The following POLN variants were observed in gnomAD, a reference collection of about 807,000 sequenced individuals.
The protein encoded by POLN is DNA polymerase N.
In POLN, 108 loss-of-function variants were observed where a neutral mutation model predicts 113.5. The observed-to-expected ratio is 0.95, with a 90% CI of 0.81 to 1.12. The LOEUF is 1.12. Ranked by LOEUF, POLN falls within the 50% of genes most tolerant of loss-of-function variation. POLN has a pLI of 0.00. For missense variants in POLN, 1,097 were observed against 1,077.1 expected (o/e 1.02, Z -0.26); for synonymous variants, 386 against 391.5 (o/e 0.99, Z 0.17).
chr4:2,181,166 A>C (rs1217418582), intron 7 of POLN, among the ~76,000 whole-genome samples: 1 of 152,006 alleles, frequency 6.6e-6, no homozygotes, highest in Non-Finnish European at 1.5e-5. Context: ...TTTTTTTGAG[A>C]TGGAGTCTTG....
In POLN at chr4:2,127,100, C is replaced by G. The variant is rs1380428621; in HGVS notation, c.1982+1013G>C. On this transcript the variant is annotated intron_variant, in intron 19 of 25. Coordinates refer to ENST00000511885, the MANE Select transcript of POLN (RefSeq NM_181808.4). The surrounding 1 kb of genome is among the most constrained non-coding windows in gnomAD (Gnocchi z 4.7). ...TTCTGTGTGACATCGTGAGGGTGAA[C>G]AGGTGGCAGGAGATGAGCTGGGACG... 6.7e-6 allele frequency among the ~76,000 whole-genome samples: 1 copy of G among 149,078 alleles called. No individual in the cohort carries two copies. The highest frequency in any genetic ancestry group is 1.5e-5 in the Non-Finnish European group (1 of 67,618).
chr4:2,111,456 G>C (rs1731191793), intron 19 of POLN, among the ~76,000 whole-genome samples: 1 of 152,164 alleles, frequency 6.6e-6, no homozygotes, highest in Non-Finnish European at 1.5e-5. Context: ...AATTGCCCCT[G>C]TTTGCAGATG....
At chr4:2,106,078 A>G (rs1424712179) in intron 19 of POLN, among the ~76,000 whole-genome samples, 2 of 151,982 alleles carry the variant, frequency 1.3e-5, no homozygotes, top group Non-Finnish European at 2.9e-5. Context: ...AATGATCTCT[A>G]TGGGCCTACT....
At chr4:2,096,075 G>A in intron 19 of POLN, 142 bp from the exon 20 acceptor site, 3 of 738,286 alleles carry the variant, frequency 4.1e-6, no homozygotes, top group Non-Finnish European at 2.4e-6. Context: ...TGGCAGGGGA[G>A]ACATTCCATA....
chr4:2,154,037 A>G (rs1275638409), intron 16 of POLN, among the ~76,000 whole-genome samples: 1 of 151,414 alleles, frequency 6.6e-6, no homozygotes, highest in Non-Finnish European at 1.5e-5. Flanking sequence ...CTCTACTAAG[A>G]ATACAAAAAA....
chr4:2,079,914 G>C (rs1327548341), intron 23 of POLN: 1 of 985,492 alleles, frequency 1.0e-6, no homozygotes, highest in African/African-American at 1.7e-5. Flanking sequence ...CCCCACTCCT[G>C]CCTTCTGACC....
At chr4:2,106,121 G>A (rs1731060960) in intron 19 of POLN, among the ~76,000 whole-genome samples, 1 of 151,766 alleles carries the variant, frequency 6.6e-6, no homozygotes, top group African/African-American at 2.4e-5. Context: ...AAATTCCAGA[G>A]TCTGTCTTTA....
At chr4:2,241,233 A>ATG in intron 2 of POLN, 1 of 329,722 alleles carries the variant, frequency 3.0e-6, no homozygotes, top group Non-Finnish European at 5.4e-6. Context: ...ATGATGATAA[A>ATG]GAGAAACAGA....
chr4:2,159,199 G>A lies in POLN; in HGVS notation c.1567C>T (p.Arg523Ter), dbSNP rs760327169. ...STSEAVLNAL[R>*]DLHPLPKIIL... is the part of the protein sequence containing the mutation. ...ATCTTGGGTAATGGATGAAGGTCTCGCAGAGCATTTAACTAAACATGAAAA... is the reference window on the plus strand; with the variant it reads ...ATCTTGGGTAATGGATGAAGGTCTCACAGAGCATTTAACTAAACATGAAAA... Residue 523 changes from arginine to a stop codon, truncating the protein, a stop_gained, in exon 14 of 26, where the codon CGA (arginine) becomes TGA (stop). Coordinates refer to ENST00000511885, the MANE Select transcript of POLN (RefSeq NM_181808.4). LOFTEE classifies it high-confidence loss of function. 59 of 1,606,868 alleles carry A rather than the reference G, an allele frequency of 3.7e-5. 1 individual carries two copies. The highest frequency in any genetic ancestry group is 2.5e-4 in the South Asian group (23 of 90,378).
At chr4:2,185,302 T>C (rs1577751084) in intron 7 of POLN, among the ~76,000 whole-genome samples, 1 of 152,174 alleles carries the variant, frequency 6.6e-6, no homozygotes, top group Admixed American at 6.5e-5. Context: ...AGATAACATA[T>C]TAAATGAGAA....
At chr4:2,124,312 C>T (rs1046226884) in intron 19 of POLN, among the ~76,000 whole-genome samples, 4 of 152,056 alleles carry the variant, frequency 2.6e-5, no homozygotes, top group African/African-American at 4.8e-5. Flanking sequence ...CTTGCTCTGT[C>T]GAGGCGGAGT....
intron 3 of POLN, among the ~76,000 whole-genome samples, chr4:2,214,217 C>T (rs544683044): frequency 1.3e-5 from 2 of 151,062 alleles, no homozygotes; most frequent in South Asian, 4.2e-4. Context: ...GCCTGGGTTA[C>T]AGGGCAAGAC....
intron 8 of POLN, among the ~76,000 whole-genome samples, chr4:2,178,614 G>GTT (rs869253023): frequency 3.9e-4 from 56 of 142,064 alleles, no homozygotes; most frequent in Non-Finnish European, 4.6e-4. Flanking sequence ...GCCCAAGACA[G>GTT]TTTTTTTTTT....
intron 13 of POLN, among the ~76,000 whole-genome samples, chr4:2,159,873 C>T (rs1272499234): frequency 6.6e-6 from 1 of 150,998 alleles, no homozygotes; most frequent in African/African-American, 2.5e-5. Context: ...GAATGTAGAA[C>T]ATTACCCATT....
chr4:2,212,976 G>T, intron 4 of POLN, 71 bp downstream of exon 4: 1 of 1,072,520 alleles, frequency 9.3e-7, no homozygotes, highest in Non-Finnish European at 1.4e-6. Flanking sequence ...GCACACAGTA[G>T]AACACTTAAT....
intron 19 of POLN, among the ~76,000 whole-genome samples, chr4:2,105,704 C>T (rs981539328): frequency 6.6e-6 from 1 of 152,026 alleles, no homozygotes; most frequent in African/African-American, 2.4e-5. Context: ...AACACATGTA[C>T]ACAGAATGGT....
rs1239670948 is a variant in POLN, at chr4:2,093,283, GGCCGGGGCT to G, written c.2065+2559_2065+2567del. On this transcript the variant is annotated intron_variant, in intron 20 of 25. Transcript: ENST00000511885. This position sits in a 1 kb window ranked among gnomAD's most constrained non-coding sequence, Gnocchi z 4.1. ...GGGTGGCTGCCCCCACTGGGGACAA[GGCCGGGGCT>G]GCCACAGGAGACCTACAGAAGCTGC... 2.0e-5 allele frequency among the ~76,000 whole-genome samples: 3 copies of G among 152,364 alleles called. No homozygotes were observed. In the East Asian group the frequency reaches 5.8e-4, roughly 29 times the overall value.
rs1305277156 is a variant in POLN, at chr4:2,171,181, C to A, written c.1375G>T (p.Ala459Ser). The A allele has an allele frequency of 6.2e-7, 1 of 1,610,168 alleles. No homozygotes were observed. The highest frequency in any genetic ancestry group is 1.7e-5 in the Admixed American group (1 of 59,404). ...TCTTGCTCCAATTCCTTGAGACGAGCCTGAAAATATGATACACACAATTAA... is the reference window on the plus strand; with the variant it reads ...TCTTGCTCCAATTCCTTGAGACGAGACTGAAAATATGATACACACAATTAA... The part of the protein sequence containing the change: ...EMEKTSALLG[A>S]RLKELEQEAH... Residue 459 changes from alanine to serine, a missense_variant and splice_region_variant, in exon 12 of 26, where the codon GCT becomes TCT. By Grantham distance (99) the Ala-to-Ser change is moderately conservative. Coordinates refer to ENST00000511885, the MANE Select transcript of POLN (RefSeq NM_181808.4).
chr4:2,161,658 C>T (rs528593900), intron 13 of POLN, among the ~76,000 whole-genome samples: 2 of 152,344 alleles, frequency 1.3e-5, no homozygotes, highest in Admixed American at 1.3e-4. Context: ...TGCGGGCGCA[C>T]GGCACCGGGA....
Sources: gnomAD v4.1 joint callset for allele counts (sites outside exome capture counted in the v4.1 genomes callset) on GRCh38, gnomAD v4.1.1 for gene constraint, Gnocchi (gnomAD v3.1) non-coding constraint, MANE v1.5 for transcripts, NCBI Gene and HGNC (gene_info 2026-07-23, HGNC 2026-07-21) for gene names.